The following CALN1 variants were observed in gnomAD, a reference collection of about 807,000 sequenced individuals.
CALN1 encodes the protein calcium-binding protein 8.
CALN1 carries 17 observed loss-of-function variants against 30.6 expected under a neutral mutation model. The ratio of observed to expected loss-of-function variants is 0.56; its 90% confidence interval spans 0.38 to 0.83. The LOEUF is 0.83. Ranked by LOEUF, CALN1 falls within the 40% of genes least tolerant of loss-of-function variation. The pLI, the probability that CALN1 is intolerant of heterozygous loss-of-function variation, is 0.00. For synonymous variants in CALN1, 156 were observed against 131.4 expected, an observed-to-expected ratio of 1.19 and a Z score of -1.28; for missense variants, 291 against 354.9, an observed-to-expected ratio of 0.82 and a Z score of 1.45.
chr7:72,474,328 A>G, the CALN1 span, among the ~76,000 whole-genome samples: 1 of 152,144 alleles, frequency 6.6e-6, no homozygotes, highest in Admixed American at 6.5e-5. Flanking sequence ...AACTCCTTGG[A>G]CAGATAGTGA....
At chr7:72,366,123 C>T (rs1290044284) in intron 2 of CALN1, among the ~76,000 whole-genome samples, 1 of 150,656 alleles carries the variant, frequency 6.6e-6, no homozygotes, top group Non-Finnish European at 1.5e-5. Context: ...TGGTACATTC[C>T]TATAATGAAT....
At chr7:71,918,073 C>T (rs967525525) in intron 5 of CALN1, among the ~76,000 whole-genome samples, 1 of 152,066 alleles carries the variant, frequency 6.6e-6, no homozygotes, top group Non-Finnish European at 1.5e-5. Context: ...GGATAATAAC[C>T]CCTGACTTGC....
chr7:72,463,368 C>T, the CALN1 span, among the ~76,000 whole-genome samples: 2 of 152,174 alleles, frequency 1.3e-5, no homozygotes, highest in Non-Finnish European at 2.9e-5. Flanking sequence ...GTCTCAAACT[C>T]CTGACCTCAA....
At chr7:72,379,657 G>A (rs77732880) in intron 2 of CALN1, among the ~76,000 whole-genome samples, 1 of 152,234 alleles carries the variant, frequency 6.6e-6, no homozygotes, top group African/African-American at 2.4e-5. Context: ...ATGTCCAACA[G>A]AGACAGGACA....
chr7:72,312,448 G>T (rs894939851), intron 2 of CALN1, among the ~76,000 whole-genome samples: 1 of 148,266 alleles, frequency 6.7e-6, no homozygotes, highest in Non-Finnish European at 1.5e-5. Flanking sequence ...TTTGGATTTT[G>T]TTGTTCACCC....
intron 3 of CALN1, among the ~76,000 whole-genome samples, chr7:72,121,917 A>G (rs1808426760): frequency 6.8e-6 from 1 of 147,716 alleles, no homozygotes; most frequent in Admixed American, 6.8e-5. Context: ...ATAAATATAT[A>G]TTATATTACA....
intron 5 of CALN1, among the ~76,000 whole-genome samples, chr7:71,846,772 A>G (rs144010914): frequency 0.036 from 5,268 of 147,870 alleles, 322 homozygotes; most frequent in African/African-American, 0.12. Flanking sequence ...ATACACGTAT[A>G]TAAATATATA....
intron 3 of CALN1, among the ~76,000 whole-genome samples, chr7:72,180,535 T>C (rs559441107): frequency 1.6e-3 from 238 of 152,092 alleles, no homozygotes; most frequent in African/African-American, 5.5e-3. Context: ...TTTTTTTTTT[T>C]TTTTTTAATC....
chr7:72,462,670 C>T, the CALN1 span, among the ~76,000 whole-genome samples: 1 of 152,232 alleles, frequency 6.6e-6, no homozygotes, highest in African/African-American at 2.4e-5. Context: ...TTGCCCCACG[C>T]AGGTTCACCT....
chr7:71,883,653 ATC>A (rs1309902353), intron 5 of CALN1, among the ~76,000 whole-genome samples: 1 of 152,160 alleles, frequency 6.6e-6, no homozygotes, highest in Non-Finnish European at 1.5e-5. Context: ...CTTCCAGTGT[ATC>A]TACTGCTCCT....
chr7:71,785,867 AG>A lies in CALN1; in HGVS notation c.*1907del, dbSNP rs1390510673. On this transcript the variant is annotated 3_prime_UTR_variant, in exon 7 of 7. Coordinates refer to ENST00000395275, the MANE Select transcript of CALN1 (RefSeq NM_031468.4). Reference sequence around the variant, plus strand: ...AGCAGGGCAGGTAAGGGGGAAAGGCAGGTTGCTGCCTCCTTGGTCTGGCCTT... The same window carrying A: ...AGCAGGGCAGGTAAGGGGGAAAGGCAGTTGCTGCCTCCTTGGTCTGGCCTT... The A allele has an allele frequency of 2.0e-5, 3 of 152,914 alleles. No individual in the cohort carries two copies. Among genetic ancestry groups the A allele is most frequent in the African/African-American group, 7.2e-5 (3 of 41,460 alleles). 9.5% of individuals were successfully genotyped at this position (152,914 alleles called of 1,614,324 possible).
intron 2 of CALN1, among the ~76,000 whole-genome samples, chr7:72,377,552 C>T (rs560123205): frequency 3.9e-4 from 59 of 151,842 alleles, no homozygotes; most frequent in African/African-American, 1.2e-3. Context: ...GAAATTAGAT[C>T]GCCCTTGCTT....
chr7:72,403,210 C>T lies in CALN1; in HGVS notation c.119+41G>A, dbSNP rs544419500. The T allele has an allele frequency of 2.7e-6, 4 of 1,505,990 alleles. No individual in the cohort carries two copies. The South Asian group carries it at 3.6e-5, about 14-fold the overall frequency. The allele number at this position is 1,505,990 out of a possible 1,614,324, so 93.3% of individuals were successfully genotyped here. On this transcript the variant is annotated intron_variant, in intron 2 of 6. Coordinates refer to ENST00000395275, the MANE Select transcript of CALN1 (RefSeq NM_031468.4). The stretch of plus-strand genomic sequence containing the variant: ...GCGCCACCCCCTACCTGAGGGCTGC[C>T]AAACAATCTAGGTCCTTGGGTTTGG...
In CALN1 at chr7:72,297,059, C is replaced by T. The variant is rs1031902294; in HGVS notation, c.120-18249G>A. ...GATCTTTCCTGCTTTCTCTTGTGGG[C>T]ATTTAGTGCTATAAATTTCCCTCTA... On this transcript the variant is annotated intron_variant, in intron 2 of 6. Coordinates refer to ENST00000395275, the MANE Select transcript of CALN1 (RefSeq NM_031468.4). Among the ~76,000 whole-genome samples, 12 of 152,072 alleles carry T rather than the reference C, an allele frequency of 7.9e-5. No individual in the cohort carries two copies. In the East Asian group the frequency reaches 2.3e-3, roughly 29 times the overall value.
intron 2 of CALN1, among the ~76,000 whole-genome samples, chr7:72,344,803 A>T (rs1325855734): frequency 6.8e-6 from 1 of 147,644 alleles, no homozygotes; most frequent in Non-Finnish European, 1.5e-5. Flanking sequence ...CCAGCCAAAA[A>T]AATGAAATCC....
At chr7:72,097,698 G>T (rs1806338339) in intron 4 of CALN1, among the ~76,000 whole-genome samples, 1 of 138,018 alleles carries the variant, frequency 7.2e-6, no homozygotes, top group Non-Finnish European at 1.5e-5. Flanking sequence ...ACAATTTTTT[G>T]ACTATTTTTT....
chr7:72,124,873 C>CA, intron 3 of CALN1, among the ~76,000 whole-genome samples: 1 of 151,894 alleles, frequency 6.6e-6, no homozygotes, highest in African/African-American at 2.4e-5. Flanking sequence ...ATGCAAAAGA[C>CA]AAACAGATTT....
At chr7:72,391,623 G>A (rs571650511) in intron 2 of CALN1, among the ~76,000 whole-genome samples, 3 of 152,312 alleles carry the variant, frequency 2.0e-5, no homozygotes, top group Admixed American at 6.5e-5. Flanking sequence ...CATGGAGGGG[G>A]TTTCCCTCAT....
At chr7:72,494,316 A>C in the CALN1 span, among the ~76,000 whole-genome samples, 1 of 152,308 alleles carries the variant, frequency 6.6e-6, no homozygotes, top group African/African-American at 2.4e-5. Flanking sequence ...AGTCAGTAGA[A>C]TACACCAGTC....
Sources: allele counts gnomAD v4.1 joint callset (sites outside exome capture counted in the v4.1 genomes callset), GRCh38; gene constraint gnomAD v4.1.1; transcripts MANE v1.5; gene names NCBI Gene and HGNC (gene_info 2026-07-23, HGNC 2026-07-21).